KRCC1: variants seen among roughly 807,000 people sequenced by gnomAD.
The protein encoded by KRCC1 is lysine-rich coiled-coil protein 1.
KRCC1 carries 3 observed loss-of-function variants against 7.4 expected under a neutral mutation model. The ratio of observed to expected loss-of-function variants is 0.40; its 90% CI spans 0.18 to 1.04. KRCC1 has a LOEUF of 1.04. KRCC1 is among the 50% of genes least tolerant of loss of function. The pLI is 0.33. For missense variants in KRCC1, 277 were observed against 300.9 expected, an observed-to-expected ratio of 0.92 and a Z score of 0.59; for synonymous variants, 102 against 101.6, an observed-to-expected ratio of 1.00 and a Z score of -0.02.
intron 1 of KRCC1, among the ~76,000 whole-genome samples, chr2:88,049,224 AT>A (rs1055018360): frequency 6.6e-6 from 1 of 152,234 alleles, no homozygotes; most frequent in Non-Finnish European, 1.5e-5. Flanking sequence ...TTGAATGCCA[AT>A]AATCATAAGT....
At position 88,038,203 on chromosome 2, in the gene KRCC1, G is replaced by T. The variant is rs757011801; in HGVS notation, c.-290-1152C>A. ...TACATATGTATTTACTGTAAGGAAG[G>T]AATTAATGCATTTGGCCTCCAATCC... On this transcript the variant is annotated intron_variant, in intron 1 of 3. Coordinates refer to ENST00000347055, the MANE Select transcript of KRCC1 (RefSeq NM_016618.3). 5.3e-5 allele frequency among the ~76,000 whole-genome samples: 8 copies of T among 152,286 alleles called. No individual in the cohort carries two copies. The Middle Eastern group carries it at 0.01, about 194-fold the overall frequency.
chr2:88,033,518 T>TC (rs1309377156), intron 3 of KRCC1, among the ~76,000 whole-genome samples: 1 of 151,924 alleles, frequency 6.6e-6, no homozygotes, highest in Non-Finnish European at 1.5e-5. Context: ...AGAGAGAGAC[T>TC]CCGTCTCAAA....
intron 2 of KRCC1, among the ~76,000 whole-genome samples, chr2:88,035,396 G>A (rs1483682663): frequency 6.6e-6 from 1 of 152,142 alleles, no homozygotes; most frequent in Non-Finnish European, 1.5e-5. Context: ...GATTCTAGGA[G>A]GGATCCTCCC....
In KRCC1 at chr2:88,028,590, A is replaced by G; in HGVS notation, c.-22-5T>C. 1 of 1,546,650 alleles carries G rather than the reference A, an allele frequency of 6.5e-7. No individual in the cohort carries two copies. The highest frequency in any genetic ancestry group is 8.8e-7 in the Non-Finnish European group (1 of 1,138,744). On this transcript the variant is annotated splice_region_variant and splice_polypyrimidine_tract_variant and intron_variant, in intron 3 of 3. Transcript: ENST00000347055. Reference sequence around the variant, plus strand: ...AGGTTGACAAAACGGGATTTTCTGCAAAAAAGGGAGAAAATTCTTACCAGA... The same window carrying G: ...AGGTTGACAAAACGGGATTTTCTGCGAAAAAGGGAGAAAATTCTTACCAGA...
chr2:88,047,427 G>A (rs2104623640), intron 1 of KRCC1, among the ~76,000 whole-genome samples: 1 of 152,126 alleles, frequency 6.6e-6, no homozygotes, highest in African/African-American at 2.4e-5. Flanking sequence ...GACATCTCAT[G>A]TTTGATGAAT....
chr2:88,032,511 G>A (rs1415666173), intron 3 of KRCC1, among the ~76,000 whole-genome samples: 1 of 152,168 alleles, frequency 6.6e-6, no homozygotes, highest in Non-Finnish European at 1.5e-5. Flanking sequence ...ATCAGTCTAT[G>A]ATGTTTGCCC....
At chr2:88,037,678 G>C (rs953107026) in intron 1 of KRCC1, among the ~76,000 whole-genome samples, 2 of 152,178 alleles carry the variant, frequency 1.3e-5, no homozygotes, top group African/African-American at 4.8e-5. Context: ...CAAAGTTCTG[G>C]GATTACAGGC....
At chr2:88,035,628 A>C (rs1673076993) in intron 2 of KRCC1, among the ~76,000 whole-genome samples, 1 of 152,214 alleles carries the variant, frequency 6.6e-6, no homozygotes, top group South Asian at 2.1e-4. Context: ...ATCTCTGAAT[A>C]TATTTAAAGC....
At chr2:88,031,538 C>T (rs184027888) in intron 3 of KRCC1, among the ~76,000 whole-genome samples, 257 of 152,048 alleles carry the variant, frequency 1.7e-3, no homozygotes, top group Middle Eastern at 3.4e-3. Context: ...TGGAGAATCG[C>T]CTGAACCTAG....
chr2:88,044,679 C>A (rs1673292210), intron 1 of KRCC1, among the ~76,000 whole-genome samples: 1 of 151,934 alleles, frequency 6.6e-6, no homozygotes, highest in Non-Finnish European at 1.5e-5. Flanking sequence ...CTGAAAAGAG[C>A]CATGCTGTCT....
At chr2:88,040,810 T>C (rs1673195212) in intron 1 of KRCC1, among the ~76,000 whole-genome samples, 1 of 152,078 alleles carries the variant, frequency 6.6e-6, no homozygotes, top group South Asian at 2.1e-4. Flanking sequence ...TAAGAAGGTA[T>C]AATGTGTTCT....
intron 2 of KRCC1, among the ~76,000 whole-genome samples, chr2:88,035,286 C>T (rs1673070690): frequency 6.6e-6 from 1 of 152,104 alleles, no homozygotes; most frequent in African/African-American, 2.4e-5. Context: ...ATGTGTCTAG[C>T]TTTTAGTCTT....
chr2:88,051,678 A>G (rs748545256), intron 1 of KRCC1, among the ~76,000 whole-genome samples: 2 of 152,216 alleles, frequency 1.3e-5, no homozygotes, highest in African/African-American at 2.4e-5. Flanking sequence ...AATTCTAGTG[A>G]ATAGTCTCAA....
At chr2:88,051,919 G>A (rs1001511614) in intron 1 of KRCC1, among the ~76,000 whole-genome samples, 1 of 152,264 alleles carries the variant, frequency 6.6e-6, no homozygotes, top group Non-Finnish European at 1.5e-5. Flanking sequence ...GGCATTATGA[G>A]TAGGATAATC....
At chr2:88,045,323 C>T (rs1445293948) in intron 1 of KRCC1, among the ~76,000 whole-genome samples, 1 of 152,162 alleles carries the variant, frequency 6.6e-6, no homozygotes, top group Non-Finnish European at 1.5e-5. Context: ...CCTGAAACAA[C>T]TCTAATGTCC....
intron 1 of KRCC1, among the ~76,000 whole-genome samples, chr2:88,051,496 T>A (rs962876548): frequency 6.6e-6 from 1 of 152,214 alleles, no homozygotes; most frequent in African/African-American, 2.4e-5. Context: ...AATTAACTCT[T>A]ATACATACCT....
Position 88,028,259 on chromosome 2 carries a change from C to T in KRCC1, c.305G>A (p.Ser102Asn). 3 of 1,614,180 alleles carry T rather than the reference C, an allele frequency of 1.9e-6. No individual in the cohort carries two copies. The highest frequency in any genetic ancestry group is 1.3e-5 in the African/African-American group (1 of 75,040). Residue 102 changes from serine (S) to asparagine (N), a missense_variant, in exon 4 of 4, where the codon AGC becomes AAC. Transcript: ENST00000347055. ...ACAGTCCCTCGTGAACTGACAGTAG[C>T]TCAGAGAGTCTAGTCTCAATCTGCT... ...HDSRLRLDSL[S>N]YCQFTRDCFS...
In KRCC1 at chr2:88,037,019, C is replaced by T. The variant is rs547484044; in HGVS notation, c.-258G>A. 1.3e-5 allele frequency: 2 copies of T among 152,182 alleles called. No homozygotes were observed. Among genetic ancestry groups the T allele is most frequent in the African/African-American group, 4.8e-5 (2 of 41,522 alleles). 9.4% of individuals were successfully genotyped at this position (152,182 alleles called of 1,614,324 possible). Reference sequence around the variant, plus strand: ...ATCTTTTATAAAAGGTATCTGTAAACAAAGTTCAGTCTTTGTTCATTCAAT... The same window carrying T: ...ATCTTTTATAAAAGGTATCTGTAAATAAAGTTCAGTCTTTGTTCATTCAAT... On this transcript the variant is annotated 5_prime_UTR_variant, in exon 2 of 4. Coordinates refer to ENST00000347055, the MANE Select transcript of KRCC1 (RefSeq NM_016618.3).
chr2:88,037,647 G>A (rs1037058617), intron 1 of KRCC1, among the ~76,000 whole-genome samples: 1 of 152,168 alleles, frequency 6.6e-6, no homozygotes. Context: ...GCGCTCAGGT[G>A]ATCCACCCGC....
Sources: gnomAD v4.1 joint callset for allele counts (sites outside exome capture counted in the v4.1 genomes callset) on GRCh38, gnomAD v4.1.1 for gene constraint, MANE v1.5 for transcripts, NCBI Gene and HGNC (gene_info 2026-07-23, HGNC 2026-07-21) for gene names.